Variants in WFS1 observed in about 807,000 individuals in gnomAD.
The protein encoded by WFS1 is wolframin.
WFS1 carries 90 observed loss-of-function variants against 68.5 expected under a neutral mutation model. That is an observed-to-expected ratio of 1.31 (90% confidence interval 1.11 to 1.56). The LOEUF is 1.56. Among genes scored for constraint, WFS1 ranks in the 40% most tolerant of loss-of-function variants. WFS1 has a pLI of 0.00. For synonymous variants in WFS1, 860 were observed against 540.7 expected, an observed-to-expected ratio of 1.59 and a Z score of -8.19; for missense variants, 1,767 against 1,232.6, an observed-to-expected ratio of 1.43 and a Z score of -6.49.
chr4:6,300,578 G>C (rs924200240), intron 7 of WFS1, 79 bp from the exon 8 acceptor site: 4 of 1,598,698 alleles, frequency 2.5e-6, no homozygotes, highest in Non-Finnish European at 3.4e-6. Flanking sequence ...CCAGAGGCAG[G>C]GTGGTCAGAG....
Position 6,281,025 on chromosome 4 carries a change from C to T in WFS1, c.232+3338C>T, listed in dbSNP as rs567146581. Among the ~76,000 whole-genome samples the T allele has an allele frequency of 3.9e-5, 6 of 152,326 alleles. No homozygotes were observed. In the South Asian group the frequency reaches 1.2e-3, roughly 32 times the overall value. On this transcript the variant is annotated intron_variant, in intron 2 of 7. Coordinates refer to ENST00000226760, the MANE Select transcript of WFS1 (RefSeq NM_006005.3). ...GTGAGACTCTGGGGCAGTCATATGC[C>T]CTTTCTGTTGACCCCAGTGGGTGGC...
In WFS1 at chr4:6,301,030, T is replaced by G; in HGVS notation, c.1235T>G (p.Val412Gly). The change falls in exon 8 of 8, where the codon GTC becomes GGC. Residue 412 changes from valine (V) to glycine (G), a missense_variant. Transcript: ENST00000226760. ...LEPYAHFLLS[V>G]FFVIFSFPIA... is the part of the protein sequence containing the mutation. ...CCCTATGCCCATTTCCTGCTCTCTG[T>G]CTTCTTCGTCATCTTCTCCTTCCCC... is the stretch of plus-strand genomic sequence containing the variant. 1 of 1,614,094 alleles carries G rather than the reference T, an allele frequency of 6.2e-7. No homozygotes were observed. Among genetic ancestry groups the G allele is most frequent in the East Asian group, 2.2e-5 (1 of 44,860 alleles).
At chr4:6,275,376 G>A (rs973636601) in intron 1 of WFS1, among the ~76,000 whole-genome samples, 5 of 152,208 alleles carry the variant, frequency 3.3e-5, no homozygotes, top group Admixed American at 2.6e-4. Context: ...TTCTACGTGC[G>A]ATCCTGTATT....
intron 1 of WFS1, among the ~76,000 whole-genome samples, chr4:6,271,757 G>A (rs1007434830): frequency 1.3e-5 from 2 of 152,148 alleles, no homozygotes; most frequent in African/African-American, 4.8e-5. Flanking sequence ...CCCTGGTCCC[G>A]ATCCGGGCCT....
chr4:6,275,803 C>T (rs1204803686), intron 1 of WFS1, among the ~76,000 whole-genome samples: 3 of 152,182 alleles, frequency 2.0e-5, no homozygotes, highest in Non-Finnish European at 4.4e-5. Context: ...CCTGACTCTT[C>T]CAGTCACAGC....
In WFS1 at chr4:6,291,968, G is replaced by T. The variant is rs150771247; in HGVS notation, c.683G>T (p.Arg228Leu). ...PVPKSLQKQR[R>L]MLERLVSSES... is the part of the protein sequence containing the mutation. ...CCCAAGTCCCTGCAGAAGCAGAGGC[G>T]CATGCTGGAGCGCCTGGTCAGCAGC... is the stretch of plus-strand genomic sequence containing the variant. Residue 228 changes from arginine (R) to leucine (L), a missense_variant, in exon 6 of 8, where the codon CGC (arginine) becomes CTC (leucine). Coordinates refer to ENST00000226760, the MANE Select transcript of WFS1 (RefSeq NM_006005.3). 3.7e-6 allele frequency: 6 copies of T among 1,610,506 alleles called. No homozygotes were observed. The highest frequency in any genetic ancestry group is 5.1e-6 in the Non-Finnish European group (6 of 1,179,150).
intron 1 of WFS1, among the ~76,000 whole-genome samples, chr4:6,277,103 G>T (rs1323148989): frequency 6.6e-6 from 1 of 152,254 alleles, no homozygotes; most frequent in Non-Finnish European, 1.5e-5. Context: ...GCTCCACATG[G>T]GTGGGCTCTG....
intron 1 of WFS1, among the ~76,000 whole-genome samples, chr4:6,277,232 A>G (rs1007469924): frequency 1.3e-5 from 2 of 152,220 alleles, no homozygotes; most frequent in African/African-American, 2.4e-5. Context: ...TGTAAGTGCC[A>G]TGCCATCTGT....
At chr4:6,295,853 A>T (rs1352824666) in intron 7 of WFS1, among the ~76,000 whole-genome samples, 5 of 152,190 alleles carry the variant, frequency 3.3e-5, no homozygotes, top group Non-Finnish European at 7.3e-5. Context: ...ATGGCCTCTC[A>T]CAGAGTTGCT....
intron 7 of WFS1, among the ~76,000 whole-genome samples, chr4:6,299,492 G>A (rs938710634): frequency 6.7e-5 from 10 of 149,252 alleles, no homozygotes; most frequent in African/African-American, 1.0e-4. Flanking sequence ...GGGTGTGCAC[G>A]TGTGTGTAGG....
intron 7 of WFS1, among the ~76,000 whole-genome samples, chr4:6,296,979 A>G (rs1341981629): frequency 6.6e-6 from 1 of 152,136 alleles, no homozygotes; most frequent in Non-Finnish European, 1.5e-5. Context: ...ATGTGCCACC[A>G]CACCCAGCTG....
At position 6,300,837 on chromosome 4, in the gene WFS1, GTCATCTTCTACCTGTCCT is replaced by G; in HGVS notation, c.1049_1066del (p.Phe350_Ile355del). On this transcript the variant is annotated inframe_deletion, in exon 8 of 8. Transcript: ENST00000226760. ...CTTCTTCGCCTTCTTCATCCCGCTG[GTCATCTTCTACCTGTCCT>G]TCATCTCCATGGTGATCTGCACCCT... 1 of 1,614,060 alleles carries G rather than the reference GTCATCTTCTACCTGTCCT, an allele frequency of 6.2e-7. No individual in the cohort carries two copies. Among genetic ancestry groups the G allele is most frequent in the Non-Finnish European group, 8.5e-7 (1 of 1,179,986 alleles).
intron 7 of WFS1, among the ~76,000 whole-genome samples, chr4:6,295,735 A>G (rs1348315618): frequency 2.6e-5 from 4 of 152,226 alleles, no homozygotes; most frequent in African/African-American, 7.2e-5. Context: ...CCTGGAGGAC[A>G]TGAGCAGCTT....
chr4:6,274,064 T>G (rs1159045371), intron 1 of WFS1, among the ~76,000 whole-genome samples: 1 of 151,326 alleles, frequency 6.6e-6, no homozygotes, highest in South Asian at 2.1e-4. Flanking sequence ...TTCTTTTTTT[T>G]GAGACGGAGT....
chr4:6,274,663 C>T (rs1176673739), intron 1 of WFS1, among the ~76,000 whole-genome samples: 2 of 151,886 alleles, frequency 1.3e-5, no homozygotes, highest in African/African-American at 4.8e-5. Context: ...CGCTGGAGCT[C>T]TTGACTTGAA....
At chr4:6,274,810 C>G (rs1729946329) in intron 1 of WFS1, among the ~76,000 whole-genome samples, 1 of 112,402 alleles carries the variant, frequency 8.9e-6, no homozygotes, top group East Asian at 3.0e-4. Context: ...TGAATGGGCC[C>G]CGGGAGAGAG....
Position 6,287,290 on chromosome 4 carries a change from C to A in WFS1, c.315+115C>A. On this transcript the variant is annotated intron_variant, in intron 3 of 7. Transcript: ENST00000226760. The surrounding 1 kb of genome is among the most constrained non-coding windows in gnomAD (Gnocchi z 6.4). The stretch of plus-strand genomic sequence containing the variant: ...CGGTGCCTGAGATCGGGGTCAGGAG[C>A]CAGCGTGGTGCACCCTACCCCACTT... 1 of 960,652 alleles carries A rather than the reference C, an allele frequency of 1.0e-6. No homozygotes were observed. Among genetic ancestry groups the A allele is most frequent in the Non-Finnish European group, 1.6e-6 (1 of 617,146 alleles). The allele number at this position is 960,652 out of a possible 1,614,324, so 59.5% of individuals were successfully genotyped here.
chr4:6,281,264 A>C (rs1402743293), intron 2 of WFS1, among the ~76,000 whole-genome samples: 1 of 152,114 alleles, frequency 6.6e-6, no homozygotes, highest in Non-Finnish European at 1.5e-5. Context: ...GTGTGGGGAA[A>C]GCAGGCACCC....
At position 6,302,517 on chromosome 4, in the gene WFS1, T is replaced by G; in HGVS notation, c.*49T>G. 1 of 1,606,394 alleles carries G rather than the reference T, an allele frequency of 6.2e-7. No homozygotes were observed. The highest frequency in any genetic ancestry group is 8.5e-7 in the Non-Finnish European group (1 of 1,178,628). On this transcript the variant is annotated 3_prime_UTR_variant, in exon 8 of 8. Transcript: ENST00000226760. ...CCAGTGCATGTTGCCATGAGGCCTT[T>G]CCCCAGTGTGGCCCCAGCCCGACAG...
Sources: allele counts gnomAD v4.1 joint callset (sites outside exome capture counted in the v4.1 genomes callset), GRCh38; gene constraint gnomAD v4.1.1; non-coding constraint Gnocchi (gnomAD v3.1); transcripts MANE v1.5; gene names NCBI Gene and HGNC (gene_info 2026-07-23, HGNC 2026-07-21).